C21orf58: variants seen among roughly 807,000 people sequenced by gnomAD.
C21orf58 encodes the protein uncharacterized protein C21orf58.
In C21orf58, 34 loss-of-function variants were observed where a neutral mutation model predicts 35.8. The observed-to-expected ratio is 0.95, with a 90% CI of 0.72 to 1.26. The LOEUF (loss-of-function observed/expected upper bound fraction) is 1.26. Among genes scored for constraint, C21orf58 ranks in the 50% most tolerant of loss-of-function variants. The pLI is 0.00. For missense variants in C21orf58, 440 were observed against 414.3 expected, an observed-to-expected ratio of 1.06 and a Z score of -0.54; for synonymous variants, 191 against 175.8, an observed-to-expected ratio of 1.09 and a Z score of -0.68.
chr21:46,310,414 G>A (rs1416387858), intron 6 of C21orf58, among the ~76,000 whole-genome samples: 1 of 151,900 alleles, frequency 6.6e-6, no homozygotes, highest in Non-Finnish European at 1.5e-5. Context: ...AGGAGGTGGA[G>A]GTTGCAGTGA....
intron 5 of C21orf58, among the ~76,000 whole-genome samples, chr21:46,313,268 T>C (rs1466843013): frequency 6.6e-6 from 1 of 152,248 alleles, no homozygotes; most frequent in African/African-American, 2.4e-5. Flanking sequence ...AATATTATTA[T>C]TGTATTGGCT....
intron 6 of C21orf58, among the ~76,000 whole-genome samples, chr21:46,307,616 G>A (rs1300995695): frequency 6.6e-6 from 1 of 152,200 alleles, no homozygotes; most frequent in African/African-American, 2.4e-5. Flanking sequence ...GATCACAATA[G>A]GAAAGGTATC....
chr21:46,315,802 C>T (rs936500895), intron 3 of C21orf58, among the ~76,000 whole-genome samples: 6 of 152,140 alleles, frequency 3.9e-5, no homozygotes, highest in African/African-American at 1.4e-4. Context: ...TCATCTCATT[C>T]CTGGAAGGGA....
chr21:46,301,560 T>C lies in C21orf58; in HGVS notation c.*439A>G, dbSNP rs1694350577. The C allele has an allele frequency of 2.0e-6, 2 of 990,926 alleles. No individual in the cohort carries two copies. Among genetic ancestry groups the C allele is most frequent in the Non-Finnish European group, 2.4e-6 (2 of 833,866 alleles). 61.4% of individuals were successfully genotyped at this position (990,926 alleles called of 1,614,324 possible). Reference sequence around the variant, plus strand: ...TCACACTTCCATGTGGCTAAAGCTATTGATCTTTTCTGTTCTGGCTCCTGA... The same window carrying C: ...TCACACTTCCATGTGGCTAAAGCTACTGATCTTTTCTGTTCTGGCTCCTGA... On this transcript the variant is annotated 3_prime_UTR_variant, in exon 8 of 8. Coordinates refer to ENST00000291691, the MANE Select transcript of C21orf58 (RefSeq NM_058180.5).
chr21:46,302,318 A>G (rs1233633370), intron 7 of C21orf58, among the ~76,000 whole-genome samples, 164 bp from the exon 8 acceptor site: 1 of 152,144 alleles, frequency 6.6e-6, no homozygotes, highest in East Asian at 1.9e-4. Context: ...TGTGCAACCC[A>G]TTCCTCATCT....
At chr21:46,322,151 T>C (rs896889058) in intron 1 of C21orf58, among the ~76,000 whole-genome samples, 1 of 151,938 alleles carries the variant, frequency 6.6e-6, no homozygotes, top group African/African-American at 2.4e-5. Context: ...TAGCTGGGCA[T>C]GGTGGTGTGC....
chr21:46,303,729 ATATATATATATATATATTTTTT>A (rs1569116204), intron 6 of C21orf58, among the ~76,000 whole-genome samples: 6 of 27,182 alleles, frequency 2.2e-4, no homozygotes, highest in African/African-American at 1.1e-3. Context: ...ATATATATAT[ATATATATATATATATATTTTTT>A]TTTTTTTTTT....
rs1555924456 is a variant in C21orf58, at chr21:46,302,071, A to ATAG, written c.896_897insCTA (p.His299_Ala300insTyr). ...TGGCAGCCCCAGGTGGCCACACAGC[A>ATAG]TGGTGGTGGTGGTGGTGGTGGTGCA... On this transcript the variant is annotated inframe_insertion, in exon 8 of 8. Coordinates refer to ENST00000291691, the MANE Select transcript of C21orf58 (RefSeq NM_058180.5). The ATAG allele has an allele frequency of 6.0e-6, 9 of 1,506,864 alleles. No homozygotes were observed. The East Asian group carries it at 1.5e-4, about 26-fold the overall frequency. The allele number at this position is 1,506,864 out of a possible 1,614,324, so 93.3% of individuals were successfully genotyped here.
At chr21:46,303,535 C>G (rs2145904849) in intron 6 of C21orf58, among the ~76,000 whole-genome samples, 1 of 150,614 alleles carries the variant, frequency 6.6e-6, no homozygotes, top group East Asian at 2.0e-4. Context: ...CTTAAATGGA[C>G]ACTTTACAAA....
At chr21:46,304,722 C>T (rs1383631794) in intron 6 of C21orf58, among the ~76,000 whole-genome samples, 1 of 152,094 alleles carries the variant, frequency 6.6e-6, no homozygotes, top group African/African-American at 2.4e-5. Context: ...TATTTCCTGA[C>T]ACAGCCATTT....
chr21:46,303,735 A>T (rs1443586136), intron 6 of C21orf58, among the ~76,000 whole-genome samples: 45 of 28,108 alleles, frequency 1.6e-3, no homozygotes, highest in Admixed American at 2.6e-3. Context: ...ATATATATAT[A>T]TATATATATA....
chr21:46,309,176 G>T (rs1231336814), intron 6 of C21orf58, among the ~76,000 whole-genome samples: 1 of 151,732 alleles, frequency 6.6e-6, no homozygotes, highest in Middle Eastern at 3.4e-3. Context: ...AAAATTAACC[G>T]AAGGCCAGGC....
chr21:46,321,528 T>C (rs1337846233), intron 1 of C21orf58, among the ~76,000 whole-genome samples: 1 of 152,250 alleles, frequency 6.6e-6, no homozygotes, highest in Admixed American at 6.5e-5. Context: ...TTCCTCGTTT[T>C]TGATGACCTT....
intron 7 of C21orf58, 23 bp downstream of exon 7, chr21:46,302,462 G>T (rs1601623910): frequency 6.4e-7 from 1 of 1,567,588 alleles, no homozygotes; most frequent in South Asian, 1.1e-5. Flanking sequence ...TTGGCCTAGG[G>T]TTCTGCTGGG....
chr21:46,302,424 G>T lies in C21orf58; in HGVS notation c.813+61C>A. On this transcript the variant is annotated intron_variant, in intron 7 of 7. Coordinates refer to ENST00000291691, the MANE Select transcript of C21orf58 (RefSeq NM_058180.5). ...AGCTACACAGATGCAGAAATTTCCAGAAGAAAAACCACCCAGGCCCTGTTT... is the reference window on the plus strand; with the variant it reads ...AGCTACACAGATGCAGAAATTTCCATAAGAAAAACCACCCAGGCCCTGTTT... The T allele has an allele frequency of 4.4e-6, 6 of 1,369,168 alleles. No homozygotes were observed. The South Asian group carries it at 7.5e-5, about 17-fold the overall frequency. The allele number at this position is 1,369,168 out of a possible 1,614,324, so 84.8% of individuals were successfully genotyped here. A position where few individuals can be genotyped will look rare whatever the true frequency, so the allele number is the denominator to read the frequency against.
In C21orf58 at chr21:46,318,635, G is replaced by C. The variant is rs566904273; in HGVS notation, c.101-415C>G. ...GCAAGCAGGGAAGACAGGGTGGGGAGACACTGGGAGGACAGGGTGAGGAGA... is the reference window on the plus strand; with the variant it reads ...GCAAGCAGGGAAGACAGGGTGGGGACACACTGGGAGGACAGGGTGAGGAGA... On this transcript the variant is annotated intron_variant, in intron 1 of 7. Transcript: ENST00000291691. 1.0e-4 allele frequency: 111 copies of C among 1,093,470 alleles called. 2 individuals carry two copies. The East Asian group carries it at 7.1e-3, about 70-fold the overall frequency. The allele number at this position is 1,093,470 out of a possible 1,614,324, so 67.7% of individuals were successfully genotyped here. A position where few individuals can be genotyped will look rare whatever the true frequency, so the allele number is the denominator to read the frequency against.
At chr21:46,315,158 C>G in intron 4 of C21orf58, 1 of 785,196 alleles carries the variant, frequency 1.3e-6, no homozygotes, top group South Asian at 1.9e-5. Context: ...TTCTAGGTCT[C>G]CCCCTAGAAA....
chr21:46,323,527 G>A lies in C21orf58; in HGVS notation c.-789C>T, dbSNP rs1006741510. On this transcript the variant is annotated 5_prime_UTR_variant, in exon 1 of 8. Transcript: ENST00000291691. The stretch of plus-strand genomic sequence containing the variant: ...GCGGGCTTTCTGACCGCATTCGGCC[G>A]AGTTCTTCTCTGAAGACCCAGGACC... 4.6e-5 allele frequency: 7 copies of A among 152,662 alleles called. No individual in the cohort carries two copies. Among genetic ancestry groups the A allele is most frequent in the African/African-American group, 1.4e-4 (6 of 41,428 alleles). The allele number at this position is 152,662 out of a possible 1,614,324, so 9.5% of individuals were successfully genotyped here.
At chr21:46,315,388 A>T in intron 4 of C21orf58, 86 bp downstream of exon 4, 1 of 867,030 alleles carries the variant, frequency 1.2e-6, no homozygotes, top group Non-Finnish European at 2.0e-6. Context: ...CTTCCCTAAT[A>T]CTCCCCGACC....
Sources: gnomAD v4.1 joint callset for allele counts (sites outside exome capture counted in the v4.1 genomes callset) on GRCh38, gnomAD v4.1.1 for gene constraint, MANE v1.5 for transcripts, NCBI Gene and HGNC (gene_info 2026-07-23, HGNC 2026-07-21) for gene names.